The following AGMO variants were observed in gnomAD, a reference collection of about 807,000 sequenced individuals.
AGMO encodes alkylglycerol monooxygenase, also known as glyceryl-ether monooxygenase.
A neutral mutation model predicts 60.2 loss-of-function variants in AGMO; 75 were observed. The ratio of observed to expected loss-of-function variants is 1.25; its 90% CI spans 1.03 to 1.51. AGMO has a LOEUF of 1.51. AGMO is among the 40% of genes most tolerant of loss of function. AGMO has a pLI of 0.00. For synonymous variants in AGMO, 261 were observed against 177.1 expected, an observed-to-expected ratio of 1.47 and a Z score of -3.76; for missense variants, 763 against 525.5, an observed-to-expected ratio of 1.45 and a Z score of -4.42.
At chr7:15,334,541 T>C (rs1036718004) in intron 12 of AGMO, among the ~76,000 whole-genome samples, 1 of 152,178 alleles carries the variant, frequency 6.6e-6, no homozygotes, top group Non-Finnish European at 1.5e-5. Flanking sequence ...GAATATCTGT[T>C]AGTTAATACC....
chr7:15,558,738 T>C (rs576739915), intron 2 of AGMO, among the ~76,000 whole-genome samples: 191 of 152,238 alleles, frequency 1.3e-3, no homozygotes, highest in South Asian at 6.0e-3. Context: ...CAAACACTTA[T>C]TGAAAAAATT....
At chr7:15,119,081 G>C in the AGMO span, among the ~76,000 whole-genome samples, 1 of 151,438 alleles carries the variant, frequency 6.6e-6, no homozygotes, top group African/African-American at 2.4e-5. Context: ...CCTCCCACCT[G>C]CTCTGAGAGC....
intron 3 of AGMO, among the ~76,000 whole-genome samples, chr7:15,451,088 G>A (rs1448886396): frequency 6.6e-6 from 1 of 151,812 alleles, no homozygotes; most frequent in Non-Finnish European, 1.5e-5. Flanking sequence ...ATTAGCAGAA[G>A]ACATTTAAAT....
chr7:15,433,491 G>A (rs1347645683), intron 3 of AGMO, among the ~76,000 whole-genome samples: 4 of 151,948 alleles, frequency 2.6e-5, no homozygotes, highest in African/African-American at 9.7e-5. Flanking sequence ...GCTTATTGGA[G>A]GTAAATTATT....
intron 2 of AGMO, among the ~76,000 whole-genome samples, chr7:15,555,307 A>G (rs1785104090): frequency 7.2e-6 from 1 of 139,480 alleles, no homozygotes; most frequent in Non-Finnish European, 1.5e-5. Context: ...ACACACACAC[A>G]CACACACACA....
In AGMO at chr7:15,354,423, CACACACGTGT is replaced by C. The variant is rs1563105491; in HGVS notation, c.1263+11081_1263+11090del. On this transcript the variant is annotated intron_variant, in intron 12 of 12. Coordinates refer to ENST00000342526, the MANE Select transcript of AGMO (RefSeq NM_001004320.2). ...GTGTGTGTACACACGTGTGTGTATA[CACACACGTGT>C]GTGTATACACACGTGTGTGTATACA... is the stretch of plus-strand genomic sequence containing the variant. 3.3e-3 allele frequency among the ~76,000 whole-genome samples: 91 copies of C among 27,464 alleles called. 6 individuals are homozygous for C. The East Asian group carries it at 0.06, about 18-fold the overall frequency. 18.0% of individuals were successfully genotyped at this position (27,464 alleles called of 152,430 possible). A position where few individuals can be genotyped will look rare whatever the true frequency, so the allele number is the denominator to read the frequency against.
chr7:15,150,850 A>AG, the AGMO span, among the ~76,000 whole-genome samples: 2 of 152,084 alleles, frequency 1.3e-5, no homozygotes, highest in Admixed American at 1.3e-4. Context: ...ATTAGGAGAT[A>AG]GTCCCTCCTC....
intron 12 of AGMO, among the ~76,000 whole-genome samples, chr7:15,311,511 A>T (rs865898205): frequency 1.3e-5 from 2 of 152,120 alleles, no homozygotes; most frequent in Non-Finnish European, 2.9e-5. Context: ...AAGAAGCTGC[A>T]ATCGCAAACC....
Position 15,372,007 on chromosome 7 carries a change from A to C in AGMO, c.1075-5785T>G, listed in dbSNP as rs576800908. Among the ~76,000 whole-genome samples, 3 of 152,286 alleles carry C rather than the reference A, an allele frequency of 2.0e-5. No homozygotes were observed. In the East Asian group the frequency reaches 5.8e-4, roughly 29 times the overall value. The stretch of plus-strand genomic sequence containing the variant: ...TAAAAAACAGAATATCCCAAAAATG[A>C]GTTTAAAAGAAACTGAGAATATTGA... On this transcript the variant is annotated intron_variant, in intron 10 of 12. Coordinates refer to ENST00000342526, the MANE Select transcript of AGMO (RefSeq NM_001004320.2).
chr7:15,529,688 AATATAT>A (rs1384731248), intron 3 of AGMO, among the ~76,000 whole-genome samples: 1 of 80,800 alleles, frequency 1.2e-5, no homozygotes. Context: ...CTATATATAG[AATATAT>A]ATTCCATATA....
chr7:15,432,587 G>A (rs1338791684), intron 3 of AGMO, among the ~76,000 whole-genome samples: 2 of 151,416 alleles, frequency 1.3e-5, no homozygotes, highest in Non-Finnish European at 3.0e-5. Context: ...GATAACAAAT[G>A]CCATTTTTAT....
chr7:15,366,201 GGA>G lies in AGMO; in HGVS notation c.1094_1095del (p.Leu365ProfsTer56). 1.2e-6 allele frequency: 2 copies of G among 1,607,482 alleles called. No homozygotes were observed. Among genetic ancestry groups the G allele is most frequent in the Non-Finnish European group, 1.7e-6 (2 of 1,176,400 alleles). On this transcript the variant is annotated frameshift_variant, in exon 11 of 13. Coordinates refer to ENST00000342526, the MANE Select transcript of AGMO (RefSeq NM_001004320.2). LOFTEE classifies it high-confidence loss of function. ...AGGATAATGAAGCAAACCCTCAGAAGGAGAGTAACTTGCGACAGTGCCTGTCA... is the reference window on the plus strand; with the variant it reads ...AGGATAATGAAGCAAACCCTCAGAAGGAGTAACTTGCGACAGTGCCTGTCA... ...ADTAALSQVT[L>X]LLRVCFIILT...
intron 12 of AGMO, among the ~76,000 whole-genome samples, chr7:15,241,721 CT>C (rs34502329): frequency 0.27 from 40,860 of 151,940 alleles, 6,815 homozygotes; most frequent in Middle Eastern, 0.38. Context: ...AATGTAATGG[CT>C]TAAAAAATTC....
the AGMO span, among the ~76,000 whole-genome samples, chr7:15,163,075 C>A: frequency 3.3e-5 from 5 of 151,866 alleles, no homozygotes; most frequent in Admixed American, 6.6e-5. Context: ...TTTGATTTTG[C>A]GGGGGCTTAT....
chr7:15,356,857 C>T (rs1782550700), intron 12 of AGMO, among the ~76,000 whole-genome samples: 1 of 150,692 alleles, frequency 6.6e-6, no homozygotes, highest in African/African-American at 2.4e-5. Flanking sequence ...CCTGTAATCC[C>T]AGCACTTTGG....
At chr7:15,269,505 A>G (rs1783530904) in intron 12 of AGMO, among the ~76,000 whole-genome samples, 1 of 152,026 alleles carries the variant, frequency 6.6e-6, no homozygotes, top group South Asian at 2.1e-4. Flanking sequence ...TGAAGGTTAG[A>G]TAGGGGTGCA....
At chr7:15,360,479 C>T (rs1000606786) in intron 12 of AGMO, among the ~76,000 whole-genome samples, 2 of 152,092 alleles carry the variant, frequency 1.3e-5, no homozygotes, top group African/African-American at 4.8e-5. Flanking sequence ...ACTGTATTCT[C>T]ACAATAAAGC....
intron 12 of AGMO, among the ~76,000 whole-genome samples, chr7:15,241,459 C>CAA (rs61727790): frequency 0.016 from 815 of 51,258 alleles, 137 homozygotes; most frequent in African/African-American, 0.022. Flanking sequence ...GACTCCGTCT[C>CAA]AAAAAAAAAA....
At chr7:15,495,962 A>T (rs1783219176) in intron 3 of AGMO, among the ~76,000 whole-genome samples, 1 of 151,992 alleles carries the variant, frequency 6.6e-6, no homozygotes, top group Non-Finnish European at 1.5e-5. Context: ...TCCTGACCTA[A>T]TCTGAATCTT....
Sources: gnomAD v4.1 joint callset for allele counts (sites outside exome capture counted in the v4.1 genomes callset) on GRCh38, gnomAD v4.1.1 for gene constraint, MANE v1.5 for transcripts, NCBI Gene and HGNC (gene_info 2026-07-23, HGNC 2026-07-21) for gene names.